The following PHACTR3 variants were observed in gnomAD, a reference collection of about 807,000 sequenced individuals.
The protein encoded by PHACTR3 is protein phosphatase 1, regulatory subunit 123.
In PHACTR3, 16 loss-of-function variants were observed where a neutral mutation model predicts 66.8. That is an observed-to-expected ratio of 0.24 (90% confidence interval 0.16 to 0.36). PHACTR3 has a LOEUF of 0.36. Among genes scored for constraint, PHACTR3 ranks in the 10% least tolerant of loss-of-function variants. PHACTR3 has a pLI of 1.00. For missense variants in PHACTR3, 647 were observed against 719.9 expected, an observed-to-expected ratio of 0.90 and a Z score of 1.16; for synonymous variants, 323 against 292.1, an observed-to-expected ratio of 1.11 and a Z score of -1.08.
chr20:59,730,220 G>A (rs1001272153), intron 1 of PHACTR3, among the ~76,000 whole-genome samples: 8 of 152,148 alleles, frequency 5.3e-5, no homozygotes, highest in Non-Finnish European at 1.2e-4. Flanking sequence ...TTGTGCTGAA[G>A]GCCATGGTGG....
At chr20:59,608,675 C>T (rs1469480976) in intron 1 of PHACTR3, among the ~76,000 whole-genome samples, 1 of 152,206 alleles carries the variant, frequency 6.6e-6, no homozygotes. Context: ...TGTCCCTTGG[C>T]TGTCGCTGCC....
At chr20:59,827,728 T>C (rs1312990643) in intron 8 of PHACTR3, among the ~76,000 whole-genome samples, 1 of 151,726 alleles carries the variant, frequency 6.6e-6, no homozygotes, top group African/African-American at 2.4e-5. Flanking sequence ...TCCTGCAGGG[T>C]GGGGTTGGGA....
At chr20:59,639,007 T>G (rs1600981848) in intron 1 of PHACTR3, among the ~76,000 whole-genome samples, 1 of 112,068 alleles carries the variant, frequency 8.9e-6, no homozygotes, top group Non-Finnish European at 1.8e-5. Flanking sequence ...AGTGGATAGG[T>G]GGGTGGGTGG....
chr20:59,625,649 T>C (rs1021780164), intron 1 of PHACTR3, among the ~76,000 whole-genome samples: 2 of 152,164 alleles, frequency 1.3e-5, no homozygotes, highest in Admixed American at 6.6e-5. Context: ...TGAGCCCAGC[T>C]TTCCCCCTCT....
At chr20:59,653,275 C>G (rs2035515432) in intron 1 of PHACTR3, among the ~76,000 whole-genome samples, 2 of 151,610 alleles carry the variant, frequency 1.3e-5, no homozygotes, top group Non-Finnish European at 2.9e-5. Flanking sequence ...ACCTTCGCCT[C>G]CCGGGTTCAA....
At chr20:59,845,357 T>C (rs1264027742) in intron 12 of PHACTR3, 92 bp downstream of exon 12, 1 of 794,916 alleles carries the variant, frequency 1.3e-6, no homozygotes, top group Non-Finnish European at 2.1e-6. Flanking sequence ...TATCCAGCTA[T>C]ACAAATTCAG....
In PHACTR3 at chr20:59,738,890, A is replaced by C. The variant is rs2039047088; in HGVS notation, c.119-4217A>C. On this transcript the variant is annotated intron_variant, in intron 1 of 12. Transcript: ENST00000371015. This position sits in a 1 kb window ranked among gnomAD's most constrained non-coding sequence, Gnocchi z 4.4. ...TGAGCTTGGAGGCTTGGGGAGACCT[A>C]GCCCATCCTTCCCCTCGTGCAAAGC... is the stretch of plus-strand genomic sequence containing the variant. Among the ~76,000 whole-genome samples, 1 of 152,116 alleles carries C rather than the reference A, an allele frequency of 6.6e-6. No homozygotes were observed. Among genetic ancestry groups the C allele is most frequent in the African/African-American group, 2.4e-5 (1 of 41,444 alleles).
At position 59,604,583 on chromosome 20, in the gene PHACTR3, T is replaced by G; in HGVS notation, c.-432T>G. 1.5e-6 allele frequency: 1 copy of G among 684,186 alleles called. No homozygotes were observed. The highest frequency in any genetic ancestry group is 1.8e-6 in the Non-Finnish European group (1 of 562,278). The allele number at this position is 684,186 out of a possible 1,614,324, so 42.4% of individuals were successfully genotyped here. ...GAGCAAAGATTCTTCCTTTTCCCTT[T>G]TTTCCTGGGGGGGTGGGGGGTGGGG... On this transcript the variant is annotated 5_prime_UTR_variant, in exon 1 of 13. Transcript: ENST00000371015.
rs191537208 is a variant in PHACTR3 at position 59,809,866 on chromosome 20, G to A, written c.1328+3672G>A. Among the ~76,000 whole-genome samples the A allele has an allele frequency of 3.3e-3, 506 of 152,228 alleles. 1 individual carries two copies. Among genetic ancestry groups the A allele is most frequent in the African/African-American group, 0.01 (434 of 41,540 alleles). On this transcript the variant is annotated intron_variant, in intron 8 of 12. Transcript: ENST00000371015. ...AACTTTATTTACAAAAATAGCCAGC[G>A]GTCCATTGGGTCCAGCTGGCACTTT...
At chr20:59,639,097 ATGGG>A (rs2035012441) in intron 1 of PHACTR3, among the ~76,000 whole-genome samples, 1 of 121,602 alleles carries the variant, frequency 8.2e-6, no homozygotes, top group Non-Finnish European at 1.8e-5. Flanking sequence ...GGATGGATGG[ATGGG>A]TAGACGGATG....
intron 11 of PHACTR3, chr20:59,844,426 T>C (rs2059116347): frequency 6.6e-6 from 1 of 152,104 alleles, no homozygotes; most frequent in African/African-American, 2.4e-5. Flanking sequence ...CATCAATAGA[T>C]TAATGGATAA....
intron 5 of PHACTR3, among the ~76,000 whole-genome samples, chr20:59,768,902 A>T (rs996277590): frequency 7.9e-5 from 12 of 152,226 alleles, no homozygotes; most frequent in African/African-American, 2.9e-4. Flanking sequence ...TTTAGCTGGG[A>T]CTGCAGATGT....
chr20:59,724,475 CTT>C (rs1308375568), intron 1 of PHACTR3, among the ~76,000 whole-genome samples: 3 of 152,140 alleles, frequency 2.0e-5, no homozygotes, highest in Non-Finnish European at 4.4e-5. Context: ...TCCACAGTCT[CTT>C]TGCCTTTGAA....
intron 1 of PHACTR3, among the ~76,000 whole-genome samples, chr20:59,665,592 T>C (rs2035956522): frequency 6.6e-6 from 1 of 152,024 alleles, no homozygotes; most frequent in Non-Finnish European, 1.5e-5. Context: ...AATGAGGTTG[T>C]GGTGGAGTTC....
At chr20:59,841,306 GTTTT>G (rs111581698) in intron 10 of PHACTR3, 85 bp from the exon 11 acceptor site, 4 of 1,347,590 alleles carry the variant, frequency 3.0e-6, no homozygotes, top group Non-Finnish European at 4.0e-6. Context: ...GTTTTGTTTT[GTTTT>G]TTAAGAGAAG....
intron 7 of PHACTR3, 151 bp downstream of exon 7, chr20:59,774,641 T>C: frequency 1.8e-6 from 2 of 1,120,242 alleles, no homozygotes; most frequent in South Asian, 1.7e-5. Flanking sequence ...CCTCTGGAAA[T>C]GAGCTTCTCC....
intron 1 of PHACTR3, among the ~76,000 whole-genome samples, chr20:59,644,198 A>G (rs1202584707): frequency 6.6e-6 from 1 of 152,230 alleles, no homozygotes; most frequent in Non-Finnish European, 1.5e-5. Flanking sequence ...TAGTGGTTGC[A>G]GCACCCTGAT....
intron 1 of PHACTR3, among the ~76,000 whole-genome samples, chr20:59,720,633 G>A (rs1410484348): frequency 1.3e-5 from 2 of 152,160 alleles, no homozygotes; most frequent in African/African-American, 4.8e-5. Context: ...AATCCCCTAC[G>A]TCTCCTTTGA....
intron 1 of PHACTR3, among the ~76,000 whole-genome samples, chr20:59,651,325 A>G (rs1208842605): frequency 6.6e-6 from 1 of 152,256 alleles, no homozygotes; most frequent in East Asian, 1.9e-4. Context: ...AAGTCACTGA[A>G]TCATGTAGTA....
Sources: allele counts gnomAD v4.1 joint callset (sites outside exome capture counted in the v4.1 genomes callset), GRCh38; gene constraint gnomAD v4.1.1; non-coding constraint Gnocchi (gnomAD v3.1); transcripts MANE v1.5; gene names NCBI Gene and HGNC (gene_info 2026-07-23, HGNC 2026-07-21).